The following DPP10 variants were observed in gnomAD, a reference collection of about 807,000 sequenced individuals.
DPP10 encodes dipeptidyl peptidase like 10, also known as inactive dipeptidyl peptidase 10.
In DPP10, 33 loss-of-function variants were observed where a neutral mutation model predicts 120.9. The ratio of observed to expected loss-of-function variants is 0.27; its 90% CI spans 0.21 to 0.37. The LOEUF is 0.37. Among genes scored for constraint, DPP10 ranks in the 10% least tolerant of loss-of-function variants. The pLI, the probability that DPP10 is intolerant of heterozygous loss-of-function variation, is 1.00. For synonymous variants in DPP10, 337 were observed against 326.1 expected, an observed-to-expected ratio of 1.03 and a Z score of -0.36; for missense variants, 816 against 942.8, an observed-to-expected ratio of 0.87 and a Z score of 1.76.
chr2:115,379,020 G>A (rs904055782), intron 3 of DPP10, among the ~76,000 whole-genome samples: 6 of 151,960 alleles, frequency 3.9e-5, no homozygotes, highest in Non-Finnish European at 8.8e-5. Context: ...TCTCTTTTTT[G>A]GTTGTTTCTC....
intron 3 of DPP10, among the ~76,000 whole-genome samples, chr2:115,400,153 C>T (rs1405276392): frequency 6.6e-6 from 1 of 151,962 alleles, no homozygotes; most frequent in Non-Finnish European, 1.5e-5. Context: ...GAAGCACCAC[C>T]CCCATGATCC....
intron 5 of DPP10, among the ~76,000 whole-genome samples, chr2:115,639,977 A>G (rs1369361647): frequency 7.3e-6 from 1 of 137,700 alleles, no homozygotes; most frequent in Non-Finnish European, 1.5e-5. Context: ...TTTTTTTTTT[A>G]GAGAAGATAA....
intron 1 of DPP10, among the ~76,000 whole-genome samples, chr2:114,876,241 A>G (rs1691149212): frequency 6.6e-6 from 1 of 152,156 alleles, no homozygotes; most frequent in African/African-American, 2.4e-5. Context: ...GACAAGAGAT[A>G]GTGAAAACGA....
At chr2:115,109,209 C>T (rs2049092092) in intron 1 of DPP10, among the ~76,000 whole-genome samples, 1 of 152,042 alleles carries the variant, frequency 6.6e-6, no homozygotes, top group Non-Finnish European at 1.5e-5. Context: ...TTTCTTAACC[C>T]TAATGCTTTC....
At chr2:114,662,531 G>A (rs1320067475) in intron 1 of DPP10, among the ~76,000 whole-genome samples, 2 of 152,018 alleles carry the variant, frequency 1.3e-5, no homozygotes, top group Admixed American at 1.3e-4. Flanking sequence ...ACAAGACAAC[G>A]TCCAGAGACC....
rs558123349 is a variant in DPP10 at position 115,024,982 on chromosome 2, T to G, written c.61-284257T>G. ...CTAATTATAAATCTTTATAATTTGA[T>G]CTTTAACATATACATATATTTTAAT... is the stretch of plus-strand genomic sequence containing the variant. On this transcript the variant is annotated intron_variant, in intron 1 of 25. Coordinates refer to ENST00000410059, the MANE Select transcript of DPP10 (RefSeq NM_020868.6). 1.1e-4 allele frequency among the ~76,000 whole-genome samples: 16 copies of G among 151,638 alleles called. No homozygotes were observed. The South Asian group carries it at 3.1e-3, about 30-fold the overall frequency.
chr2:114,673,306 A>G (rs1342582460), intron 1 of DPP10, among the ~76,000 whole-genome samples: 1 of 152,134 alleles, frequency 6.6e-6, no homozygotes, highest in Non-Finnish European at 1.5e-5. Flanking sequence ...TGATTAATAA[A>G]CATCACATTT....
chr2:115,166,545 T>C (rs998389054), intron 1 of DPP10, among the ~76,000 whole-genome samples: 68 of 146,786 alleles, frequency 4.6e-4, no homozygotes, highest in Non-Finnish European at 8.6e-4. Context: ...AAATTTATAA[T>C]ATAAATATAT....
chr2:115,276,221 G>A (rs1574263068), intron 1 of DPP10, among the ~76,000 whole-genome samples: 2 of 152,160 alleles, frequency 1.3e-5, no homozygotes, highest in Middle Eastern at 3.4e-3. Context: ...CACAGAACCC[G>A]GGCAATTCAA....
chr2:114,737,438 G>T (rs1226552851), intron 1 of DPP10, among the ~76,000 whole-genome samples: 1 of 152,188 alleles, frequency 6.6e-6, no homozygotes, highest in Non-Finnish European at 1.5e-5. Context: ...CTGCAGGAGA[G>T]AGAAATCTGC....
chr2:115,188,090 C>T (rs2054595378), intron 1 of DPP10, among the ~76,000 whole-genome samples: 1 of 151,136 alleles, frequency 6.6e-6, no homozygotes, highest in African/African-American at 2.4e-5. Flanking sequence ...AGAGAGCGCA[C>T]TCAGGAGAGA....
At chr2:114,474,696 G>A (rs1156553719) in intron 1 of DPP10, among the ~76,000 whole-genome samples, 2 of 152,166 alleles carry the variant, frequency 1.3e-5, no homozygotes, top group Non-Finnish European at 2.9e-5. Flanking sequence ...AAAAACTAAA[G>A]GTAAGTACTG....
chr2:115,059,223 A>AAAG (rs141266837), intron 1 of DPP10, among the ~76,000 whole-genome samples: 3 of 151,740 alleles, frequency 2.0e-5, no homozygotes, highest in Non-Finnish European at 4.4e-5. Context: ...AAAGATTTAA[A>AAAG]AAGAAGAAGA....
intron 5 of DPP10, among the ~76,000 whole-genome samples, chr2:115,548,978 T>C (rs950270612): frequency 6.6e-6 from 1 of 152,138 alleles, no homozygotes; most frequent in African/African-American, 2.4e-5. Flanking sequence ...CCGGTTATCT[T>C]TGTAGCACCA....
intron 1 of DPP10, among the ~76,000 whole-genome samples, chr2:114,911,948 G>T (rs1483047420): frequency 6.6e-6 from 1 of 152,042 alleles, no homozygotes; most frequent in Non-Finnish European, 1.5e-5. Flanking sequence ...AGGCTCCAGG[G>T]GAAATATTTT....
At chr2:115,203,195 C>T (rs1455531706) in intron 1 of DPP10, among the ~76,000 whole-genome samples, 1 of 152,150 alleles carries the variant, frequency 6.6e-6, no homozygotes, top group Non-Finnish European at 1.5e-5. Flanking sequence ...GTGTCCAAGA[C>T]AATGTTTTCT....
chr2:115,355,260 G>C (rs143147530), intron 3 of DPP10, among the ~76,000 whole-genome samples: 1 of 152,256 alleles, frequency 6.6e-6, no homozygotes, highest in East Asian at 1.9e-4. Context: ...ATTCTGACTG[G>C]CATGGGATGG....
chr2:114,919,364 C>G (rs977819550), intron 1 of DPP10, among the ~76,000 whole-genome samples: 1 of 151,604 alleles, frequency 6.6e-6, no homozygotes, highest in Non-Finnish European at 1.5e-5. Flanking sequence ...AGCTCAGTGA[C>G]TACTCCACTA....
intron 8 of DPP10, among the ~76,000 whole-genome samples, chr2:115,736,049 C>T (rs1676459820): frequency 6.6e-6 from 1 of 151,890 alleles, no homozygotes; most frequent in Admixed American, 6.6e-5. Flanking sequence ...GCATAATGAG[C>T]CCACAATGGT....
Sources: gnomAD v4.1 joint callset for allele counts (sites outside exome capture counted in the v4.1 genomes callset) on GRCh38, gnomAD v4.1.1 for gene constraint, MANE v1.5 for transcripts, NCBI Gene and HGNC (gene_info 2026-07-23, HGNC 2026-07-21) for gene names.